Variants in SERPINB11 observed in about 807,000 individuals in gnomAD.
The protein encoded by SERPINB11 is serpin family B member 11.
SERPINB11 carries 32 observed loss-of-function variants against 36.7 expected under a neutral mutation model. The ratio of observed to expected loss-of-function variants is 0.87; its 90% CI spans 0.66 to 1.17. The LOEUF is 1.17. SERPINB11 is among the 50% of genes most tolerant of loss of function. The pLI, the probability that SERPINB11 is intolerant of heterozygous loss-of-function variation, is 0.00. For missense variants in SERPINB11, 528 were observed against 458.4 expected (o/e 1.15, Z -1.39); for synonymous variants, 174 against 168.1 (o/e 1.04, Z -0.27).
At chr18:63,711,745 A>G (rs142549584) in intron 3 of SERPINB11, among the ~76,000 whole-genome samples, 1 of 152,310 alleles carries the variant, frequency 6.6e-6, no homozygotes, top group African/African-American at 2.4e-5. Flanking sequence ...GATGCTTGGC[A>G]TATAATTATG....
chr18:63,716,154 T>C lies in SERPINB11; in HGVS notation c.475+2T>C. ...CTTGGGTTGAAAATAAAACTAATGG[T>C]AAGGATAAGTCAATATGTGTCTCTA... is the stretch of plus-strand genomic sequence containing the variant. On this transcript the variant is annotated splice_donor_variant, in intron 5 of 7. Transcript: ENST00000544088. LOFTEE classifies it high-confidence loss of function. 1.3e-6 allele frequency: 2 copies of C among 1,549,150 alleles called. No homozygotes were observed. Among genetic ancestry groups the C allele is most frequent in the South Asian group, 1.1e-5 (1 of 87,454 alleles).
intron 4 of SERPINB11, 64 bp downstream of exon 4, chr18:63,712,757 A>G (rs962087182): frequency 9.1e-5 from 140 of 1,542,780 alleles, no homozygotes; most frequent in Middle Eastern, 1.7e-4. Flanking sequence ...ATACCCCAAA[A>G]TTGATGAAGA....
chr18:63,712,285 A>G (rs1912568694), intron 3 of SERPINB11, among the ~76,000 whole-genome samples: 1 of 152,216 alleles, frequency 6.6e-6, no homozygotes, highest in Admixed American at 6.5e-5. Flanking sequence ...GGATCTCTTT[A>G]TTTATGAAAA....
In SERPINB11 at chr18:63,716,133, G is replaced by T. The variant is rs1472655412; in HGVS notation, c.456G>T (p.Trp152Cys). 1 of 1,604,144 alleles carries T rather than the reference G, an allele frequency of 6.2e-7. No individual in the cohort carries two copies. The highest frequency in any genetic ancestry group is 8.5e-7 in the Non-Finnish European group (1 of 1,172,814). The change falls in exon 5 of 8, where the codon TGG becomes TGT. Residue 152 changes from tryptophan to cysteine, a missense_variant. By Grantham distance (215) the Trp-to-Cys change is radical. Coordinates refer to ENST00000544088, the MANE Select transcript of SERPINB11 (RefSeq NM_001370475.1). ...TEETRKTINA[W>C]VENKTNGKVA... is the part of the protein sequence containing the mutation. ...AAACGAGGAAAACGATTAATGCTTG[G>T]GTTGAAAATAAAACTAATGGTAAGG...
In SERPINB11 at chr18:63,716,092, G is replaced by C; in HGVS notation, c.415G>C (p.Glu139Gln). 6.2e-7 allele frequency: 1 copy of C among 1,612,446 alleles called. No homozygotes were observed. The highest frequency in any genetic ancestry group is 8.5e-7 in the Non-Finnish European group (1 of 1,179,062). ...AGCCAGGTTGCAAACTGTGGATTTT[G>C]AACAGTCTACAGAAGAAACGAGGAA... Reference protein sequence around the residue: ...YQARLQTVDFEQSTEETRKTI... With the variant: ...YQARLQTVDFQQSTEETRKTI... The change falls in exon 5 of 8, where the codon GAA (glutamate) becomes CAA (glutamine). Residue 139 changes from glutamate (E) to glutamine (Q), a missense_variant. Glu to Gln is a conservative substitution (Grantham distance 29). Coordinates refer to ENST00000544088, the MANE Select transcript of SERPINB11 (RefSeq NM_001370475.1).
At chr18:63,715,930 AC>A in intron 4 of SERPINB11, 104 bp from the exon 5 acceptor site, 1 of 609,828 alleles carries the variant, frequency 1.6e-6, no homozygotes, top group South Asian at 2.4e-5. Flanking sequence ...GTTTATGGGA[AC>A]TGCTTTTTTC....
Position 63,712,628 on chromosome 18 carries a change from G to C in SERPINB11, c.292G>C (p.Asp98His). 1 of 1,613,828 alleles carries C rather than the reference G, an allele frequency of 6.2e-7. No individual in the cohort carries two copies. Among genetic ancestry groups the C allele is most frequent in the Non-Finnish European group, 8.5e-7 (1 of 1,179,752 alleles). The stretch of plus-strand genomic sequence containing the variant: ...CGAATTCTCTCAAATCAACCAGCCA[G>C]ACTCTAACTGTACCCTCAGCATTGC... Reference protein sequence around the residue: ...GVEFSQINQPDSNCTLSIANR... With the variant: ...GVEFSQINQPHSNCTLSIANR... Residue 98 changes from aspartate (D) to histidine (H), a missense_variant, in exon 4 of 8, where the codon GAC (aspartate) becomes CAC (histidine). Asp to His is a moderately conservative substitution (Grantham distance 81). Transcript: ENST00000544088.
intron 1 of SERPINB11, among the ~76,000 whole-genome samples, chr18:63,709,517 A>G (rs1914459905): frequency 6.6e-6 from 1 of 152,074 alleles, no homozygotes; most frequent in Non-Finnish European, 1.5e-5. Flanking sequence ...AGGCTGAGGC[A>G]GGAGAATGGC....
At chr18:63,705,990 C>T (rs893688797) in intron 1 of SERPINB11, among the ~76,000 whole-genome samples, 2 of 152,166 alleles carry the variant, frequency 1.3e-5, no homozygotes, top group Non-Finnish European at 2.9e-5. Flanking sequence ...TAAAGGAAAA[C>T]ATCCTGTCAA....
At chr18:63,721,094 C>T in intron 7 of SERPINB11, 108 bp downstream of exon 7, 2 of 1,062,104 alleles carry the variant, frequency 1.9e-6, no homozygotes, top group Non-Finnish European at 2.7e-6. Flanking sequence ...CATTGATTCA[C>T]AATCTAAGCC....
chr18:63,719,147 A>G (rs2144548172), intron 5 of SERPINB11, among the ~76,000 whole-genome samples: 1 of 152,194 alleles, frequency 6.6e-6, no homozygotes, highest in East Asian at 1.9e-4. Flanking sequence ...GCACGAATGA[A>G]AAGATGATTA....
chr18:63,711,335 G>C lies in SERPINB11; in HGVS notation c.169G>C (p.Val57Leu), dbSNP rs746574229. 7 of 1,606,676 alleles carry C rather than the reference G, an allele frequency of 4.4e-6. No individual in the cohort carries two copies. In the South Asian group the frequency reaches 6.6e-5, roughly 15 times the overall value. ...RGETEEQLEK[V>L]LHFSHTVDSL... is the part of the protein sequence containing the mutation. The stretch of plus-strand genomic sequence containing the variant: ...AAGATCCCTTTTTTTTCTTTTCTAG[G>C]TGCTTCATTTTAGTCATACTGTAGA... The change falls in exon 3 of 8, where the codon GTG (valine) becomes CTG (leucine). Residue 57 changes from valine (V) to leucine (L), a missense_variant and splice_region_variant. Val to Leu is a conservative substitution (Grantham distance 32). Coordinates refer to ENST00000544088, the MANE Select transcript of SERPINB11 (RefSeq NM_001370475.1).
chr18:63,702,598 A>G (rs1914268066), upstream of SERPINB11, among the ~76,000 whole-genome samples: 1 of 152,134 alleles, frequency 6.6e-6, no homozygotes, highest in African/African-American at 2.4e-5. Flanking sequence ...ATAAATAGAA[A>G]AAGAACTGAG....
rs773969323 is a variant in SERPINB11, at chr18:63,710,242, A to G, written c.49A>G (p.Lys17Glu). ...CGTTGAATTTTGCCTTGATGTGTTC[A>G]AAGAGCTGAACAGTAACAACATAGG... Reference protein sequence around the residue: ...ANVEFCLDVFKELNSNNIGDN... With the variant: ...ANVEFCLDVFEELNSNNIGDN... Residue 17 changes from lysine (K) to glutamate (E), a missense_variant, in exon 2 of 8, where the codon AAA (lysine) becomes GAA (glutamate). Coordinates refer to ENST00000544088, the MANE Select transcript of SERPINB11 (RefSeq NM_001370475.1). 1.9e-6 allele frequency: 3 copies of G among 1,613,338 alleles called. No individual in the cohort carries two copies. The South Asian group carries it at 3.3e-5, about 18-fold the overall frequency.
intron 1 of SERPINB11, 65 bp from the exon 2 acceptor site, chr18:63,710,114 T>G: frequency 1.5e-6 from 2 of 1,309,430 alleles, no homozygotes; most frequent in Non-Finnish European, 2.1e-6. Flanking sequence ...ATACAATAAC[T>G]GAACTCCAGA....
In SERPINB11 at chr18:63,723,460, T is replaced by C; in HGVS notation, c.*61T>C. 1 of 1,484,846 alleles carries C rather than the reference T, an allele frequency of 6.7e-7. No homozygotes were observed. The highest frequency in any genetic ancestry group is 9.1e-7 in the Non-Finnish European group (1 of 1,101,398). 92.0% of individuals were successfully genotyped at this position (1,484,846 alleles called of 1,614,324 possible). A position where few individuals can be genotyped will look rare whatever the true frequency, so the allele number is the denominator to read the frequency against. ...GAGGTGCAGAGACAATCCTGTGACT[T>C]TCCCACGGCCAAAAAGCTGTTCACA... is the stretch of plus-strand genomic sequence containing the variant. On this transcript the variant is annotated 3_prime_UTR_variant, in exon 8 of 8. Coordinates refer to ENST00000544088, the MANE Select transcript of SERPINB11 (RefSeq NM_001370475.1).
chr18:63,707,116 A>G (rs1219167676), intron 1 of SERPINB11, among the ~76,000 whole-genome samples: 2 of 152,302 alleles, frequency 1.3e-5, no homozygotes, highest in East Asian at 3.9e-4. Flanking sequence ...AGACTAATCC[A>G]GGCTTGCTCT....
chr18:63,708,383 A>G, intron 1 of SERPINB11, among the ~76,000 whole-genome samples: 1 of 152,238 alleles, frequency 6.6e-6, no homozygotes, highest in East Asian at 1.9e-4. Flanking sequence ...GTAATTCAGG[A>G]GCACCGTTCA....
intron 1 of SERPINB11, among the ~76,000 whole-genome samples, chr18:63,708,224 T>C (rs895046438): frequency 5.3e-5 from 8 of 152,230 alleles, no homozygotes; most frequent in African/African-American, 1.9e-4. Context: ...AGTAAGGACT[T>C]TGTCTTCTTC....
Sources: allele counts gnomAD v4.1 joint callset (sites outside exome capture counted in the v4.1 genomes callset), GRCh38; gene constraint gnomAD v4.1.1; transcripts MANE v1.5; gene names NCBI Gene and HGNC (gene_info 2026-07-23, HGNC 2026-07-21).